CENPC: variants seen among roughly 807,000 people sequenced by gnomAD.
The protein encoded by CENPC is centromere protein C.
CENPC carries 63 observed loss-of-function variants against 112.1 expected under a neutral mutation model. That is an observed-to-expected ratio of 0.56 (90% CI 0.46 to 0.69). The LOEUF is 0.69. Among genes scored for constraint, CENPC ranks in the 30% least tolerant of loss-of-function variants. The probability of loss-of-function intolerance (pLI) is 0.00; values close to 1 mark genes in which losing one functional copy is unlikely to be tolerated. For synonymous variants in CENPC, 333 were observed against 367.6 expected, an observed-to-expected ratio of 0.91 and a Z score of 1.08; for missense variants, 1,000 against 1,103.8, an observed-to-expected ratio of 0.91 and a Z score of 1.33.
At chr4:67,522,261 T>C (rs185138927) in intron 5 of CENPC, among the ~76,000 whole-genome samples, 3 of 152,326 alleles carry the variant, frequency 2.0e-5, no homozygotes, top group African/African-American at 7.2e-5. Context: ...TCAGTTACCA[T>C]GTCTGCATAA....
At chr4:67,508,478 C>T (rs1725796126) in intron 10 of CENPC, among the ~76,000 whole-genome samples, 1 of 138,882 alleles carries the variant, frequency 7.2e-6, no homozygotes, top group African/African-American at 2.7e-5. Flanking sequence ...CGCCACTGCA[C>T]TCCAGCCTGG....
chr4:67,483,805 T>C (rs542746082), intron 17 of CENPC, among the ~76,000 whole-genome samples: 1 of 152,196 alleles, frequency 6.6e-6, no homozygotes, highest in South Asian at 2.1e-4. Flanking sequence ...AGAAAAAAGC[T>C]TATAGAATAA....
Position 67,545,444 on chromosome 4 carries a change from C to G in CENPC, c.-89G>C. ...GGAAGCCGAGCAAGAAACGAATCGC[C>G]GGAATACCAGGCCGCGGCCAAGCAA... On this transcript the variant is annotated 5_prime_UTR_variant, in exon 1 of 19. Transcript: ENST00000273853. The G allele has an allele frequency of 7.4e-7, 1 of 1,354,904 alleles. No homozygotes were observed. The highest frequency in any genetic ancestry group is 1.5e-5 in the South Asian group (1 of 67,724). 83.9% of individuals were successfully genotyped at this position (1,354,904 alleles called of 1,614,324 possible). A position where few individuals can be genotyped will look rare whatever the true frequency, so the allele number is the denominator to read the frequency against.
intron 5 of CENPC, among the ~76,000 whole-genome samples, chr4:67,520,560 C>T (rs1383971004): frequency 3.3e-5 from 5 of 152,174 alleles, no homozygotes; most frequent in Non-Finnish European, 7.4e-5. Context: ...CAGAACCCCA[C>T]ACAAGTGAAC....
intron 17 of CENPC, among the ~76,000 whole-genome samples, chr4:67,481,833 A>G (rs1275390023): frequency 6.6e-6 from 1 of 152,228 alleles, no homozygotes; most frequent in Non-Finnish European, 1.5e-5. Flanking sequence ...CCTTCCAGAC[A>G]TTGGCTTAGG....
chr4:67,530,910 T>C lies in CENPC; in HGVS notation c.236A>G (p.Gln79Arg). Residue 79 changes from glutamine to arginine, a missense_variant, in exon 5 of 19, where the codon CAG (glutamine) becomes CGG (arginine). By Grantham distance (43) the Gln-to-Arg change is conservative (BLOSUM62 1). Coordinates refer to ENST00000273853, the MANE Select transcript of CENPC (RefSeq NM_001812.4). ...TCIQSPSKECQKSHPKSVPVS... is the reference protein window; with the variant it reads ...TCIQSPSKECRKSHPKSVPVS... ...TGGAACTGACTTTGGATGTGATTTC[T>C]GGCACTGAGCACAGAAGAAATACAA... The C allele has an allele frequency of 6.4e-7, 1 of 1,555,772 alleles. No individual in the cohort carries two copies. Among genetic ancestry groups the C allele is most frequent in the Non-Finnish European group, 8.8e-7 (1 of 1,133,600 alleles).
chr4:67,505,201 T>G lies in CENPC; in HGVS notation c.2131+4A>C. 1 of 1,556,882 alleles carries G rather than the reference T, an allele frequency of 6.4e-7. No individual in the cohort carries two copies. ...ATCAAGACAGAAAAAAAACAATAGT[T>G]TACCTGAACTTCCATGAACTTCCTC... On this transcript the variant is annotated splice_donor_region_variant and intron_variant, in intron 12 of 18. Transcript: ENST00000273853.
At chr4:67,521,738 A>C (rs1726235186) in intron 5 of CENPC, among the ~76,000 whole-genome samples, 1 of 152,216 alleles carries the variant, frequency 6.6e-6, no homozygotes, top group African/African-American at 2.4e-5. Flanking sequence ...AGTGCCCATC[A>C]ACAGATTAAT....
chr4:67,506,774 C>T lies in CENPC; in HGVS notation c.2051+14G>A, dbSNP rs985213402. ...CTAATATATACAACTATTATCCTTA[C>T]AATACACGCATACCTTTCCTCTAAA... On this transcript the variant is annotated intron_variant, in intron 11 of 18. Coordinates refer to ENST00000273853, the MANE Select transcript of CENPC (RefSeq NM_001812.4). The T allele has an allele frequency of 7.0e-6, 11 of 1,565,824 alleles. No homozygotes were observed. Among genetic ancestry groups the T allele is most frequent in the African/African-American group, 2.7e-5 (2 of 73,634 alleles).
chr4:67,538,136 A>G (rs548230543), intron 4 of CENPC, among the ~76,000 whole-genome samples: 7 of 152,312 alleles, frequency 4.6e-5, no homozygotes, highest in African/African-American at 1.4e-4. Context: ...TGAACAACTC[A>G]TTTTACAAGA....
At chr4:67,478,491 A>C (rs1322665554) in intron 17 of CENPC, among the ~76,000 whole-genome samples, 1 of 152,184 alleles carries the variant, frequency 6.6e-6, no homozygotes, top group African/African-American at 2.4e-5. Context: ...TTTTTCAGAC[A>C]AACAAATGGC....
intron 1 of CENPC, 150 bp downstream of exon 1, chr4:67,545,188 A>G: frequency 1.5e-6 from 1 of 652,174 alleles, no homozygotes; most frequent in Non-Finnish European, 2.3e-6. Flanking sequence ...ACACACGATC[A>G]CACTTGATTT....
At chr4:67,533,375 T>C (rs1357361381) in intron 4 of CENPC, among the ~76,000 whole-genome samples, 2 of 152,214 alleles carry the variant, frequency 1.3e-5, no homozygotes, top group African/African-American at 4.8e-5. Context: ...TAAACCTCCT[T>C]TTCTTCCCAG....
chr4:67,529,594 G>C (rs905194766), intron 5 of CENPC, among the ~76,000 whole-genome samples: 23 of 152,054 alleles, frequency 1.5e-4, no homozygotes, highest in African/African-American at 5.6e-4. Flanking sequence ...CCAAAGTGCT[G>C]GGATTACAGG....
At chr4:67,490,248 C>G in intron 16 of CENPC, 127 bp from the exon 17 acceptor site, 1 of 576,710 alleles carries the variant, frequency 1.7e-6, no homozygotes, top group East Asian at 3.4e-5. Flanking sequence ...TGTTTCAGAG[C>G]ATTAACTCTG....
chr4:67,533,811 G>A (rs1256190696), intron 4 of CENPC, among the ~76,000 whole-genome samples: 1 of 152,140 alleles, frequency 6.6e-6, no homozygotes. Flanking sequence ...GCCAAGGCAG[G>A]AGTATCACTT....
intron 18 of CENPC, 25 bp downstream of exon 18, chr4:67,474,863 G>A: frequency 7.3e-7 from 1 of 1,362,828 alleles, no homozygotes; most frequent in East Asian, 2.4e-5. Context: ...TATACATGTT[G>A]TCTAAGTGAA....
chr4:67,522,726 G>A (rs1354731345), intron 5 of CENPC, among the ~76,000 whole-genome samples: 1 of 152,218 alleles, frequency 6.6e-6, no homozygotes, highest in East Asian at 1.9e-4. Flanking sequence ...AAGGCCAGGT[G>A]TGGTGGCTCA....
intron 18 of CENPC, among the ~76,000 whole-genome samples, chr4:67,473,381 A>G (rs752644641): frequency 1.3e-5 from 2 of 152,224 alleles, no homozygotes; most frequent in African/African-American, 4.8e-5. Flanking sequence ...TATATATTAG[A>G]AATTGAGAAA....
Sources: gnomAD v4.1 joint callset for allele counts (sites outside exome capture counted in the v4.1 genomes callset) on GRCh38, gnomAD v4.1.1 for gene constraint, MANE v1.5 for transcripts, NCBI Gene and HGNC (gene_info 2026-07-23, HGNC 2026-07-21) for gene names.